Variants in FOXO3 observed in about 807,000 individuals in gnomAD.
The protein encoded by FOXO3 is forkhead box protein O3.
A neutral mutation model predicts 41.9 loss-of-function variants in FOXO3; 4 were observed. The ratio of observed to expected loss-of-function variants is 0.10; its 90% CI spans 0.05 to 0.22. The LOEUF (loss-of-function observed/expected upper bound fraction) is 0.22, where lower values mean the gene tolerates loss of function less well. Ranked by LOEUF, FOXO3 falls within the 10% of genes least tolerant of loss-of-function variation. The pLI is 1.00. For missense variants in FOXO3, 534 were observed against 906.8 expected (o/e 0.59, Z 5.28); for synonymous variants, 318 against 389.3 (o/e 0.82, Z 2.16).
intron 1 of FOXO3, among the ~76,000 whole-genome samples, chr6:108,572,687 AAAG>A (rs1776137107): frequency 6.6e-6 from 1 of 152,056 alleles, no homozygotes; most frequent in Non-Finnish European, 1.5e-5. Flanking sequence ...TTTGCAATAA[AAAG>A]AGTCTACACA....
intron 1 of FOXO3, among the ~76,000 whole-genome samples, chr6:108,578,240 A>G (rs930692744): frequency 2.0e-5 from 3 of 152,054 alleles, no homozygotes; most frequent in African/African-American, 7.2e-5. Context: ...TAAATCAGAA[A>G]CTCTTTAACA....
At chr6:108,659,397 AT>A (rs1778781521) in intron 1 of FOXO3, among the ~76,000 whole-genome samples, 1 of 152,190 alleles carries the variant, frequency 6.6e-6, no homozygotes, top group Non-Finnish European at 1.5e-5. Context: ...TAAGAGGCCT[AT>A]ATGAAAGGTT....
At chr6:108,575,982 GC>G (rs1776251104) in intron 1 of FOXO3, among the ~76,000 whole-genome samples, 1 of 152,160 alleles carries the variant, frequency 6.6e-6, no homozygotes, top group Non-Finnish European at 1.5e-5. Flanking sequence ...AATGTCATAG[GC>G]CTGATTATTT....
rs1062034 is a variant in FOXO3 at position 108,684,385 on chromosome 6, A to G, written c.*4593A>G. 70,867 of 152,040 alleles carry G rather than the reference A, an allele frequency of 0.47. 20,745 individuals carry two copies. Among genetic ancestry groups the G allele is most frequent in the African/African-American group, 0.84 (34,780 of 41,482 alleles). The allele number at this position is 152,040 out of a possible 1,614,324, so 9.4% of individuals were successfully genotyped here. On this transcript the variant is annotated 3_prime_UTR_variant, in exon 3 of 3. Transcript: ENST00000406360. ...TCTGTATACAGTATCTGTAAAAACT[A>G]TCTTATCTGTTTCAATTCCTTGCTC...
intron 1 of FOXO3, among the ~76,000 whole-genome samples, chr6:108,590,307 A>G (rs896884729): frequency 2.0e-5 from 3 of 152,036 alleles, no homozygotes; most frequent in African/African-American, 7.2e-5. Context: ...TTTTTGAGAA[A>G]TAATACAGAT....
chr6:108,615,346 G>A (rs925678890), intron 1 of FOXO3, among the ~76,000 whole-genome samples: 10 of 151,852 alleles, frequency 6.6e-5, no homozygotes, highest in African/African-American at 1.2e-4. Flanking sequence ...TTTTATCTTC[G>A]TTTTTGAAAG....
At chr6:108,588,529 C>T in intron 1 of FOXO3, among the ~76,000 whole-genome samples, 1 of 152,170 alleles carries the variant, frequency 6.6e-6, no homozygotes, top group East Asian at 1.9e-4. Context: ...GATATGCGTG[C>T]AGACACACAG....
At chr6:108,586,763 G>A (rs1459377294) in intron 1 of FOXO3, among the ~76,000 whole-genome samples, 1 of 151,912 alleles carries the variant, frequency 6.6e-6, no homozygotes, top group African/African-American at 2.4e-5. Context: ...CAGGGGGCTG[G>A]TATGTAGTTG....
chr6:108,635,098 C>G (rs559136233), intron 1 of FOXO3, among the ~76,000 whole-genome samples: 3 of 151,998 alleles, frequency 2.0e-5, no homozygotes, highest in South Asian at 2.1e-4. Context: ...GCCAGAAGTT[C>G]AAGACCAGTC....
intron 2 of FOXO3, among the ~76,000 whole-genome samples, chr6:108,672,182 GCAGT>G (rs1377382724): frequency 6.6e-6 from 1 of 152,236 alleles, no homozygotes; most frequent in Non-Finnish European, 1.5e-5. Flanking sequence ...AAGAGCCATT[GCAGT>G]CCCTCTTAGG....
chr6:108,661,982 A>G (rs1468954863), intron 1 of FOXO3, among the ~76,000 whole-genome samples: 1 of 152,218 alleles, frequency 6.6e-6, no homozygotes, highest in Non-Finnish European at 1.5e-5. Context: ...ATTTGTCACA[A>G]CTGATGAATC....
At chr6:108,625,129 A>T (rs2128374040) in intron 1 of FOXO3, among the ~76,000 whole-genome samples, 1 of 152,330 alleles carries the variant, frequency 6.6e-6, no homozygotes, top group East Asian at 1.9e-4. Context: ...TCATTGAATG[A>T]GTACTGTGTG....
intron 1 of FOXO3, among the ~76,000 whole-genome samples, chr6:108,604,000 C>G (rs1430077536): frequency 1.3e-5 from 2 of 152,008 alleles, no homozygotes; most frequent in Non-Finnish European, 2.9e-5. Flanking sequence ...GGAATGGTGA[C>G]TTAAGCTACT....
chr6:108,607,310 G>A (rs1477936258), intron 1 of FOXO3, among the ~76,000 whole-genome samples: 1 of 152,064 alleles, frequency 6.6e-6, no homozygotes. Context: ...TTAGCTGGGT[G>A]TGGTGGCGTG....
At chr6:108,584,582 C>T (rs949774615) in intron 1 of FOXO3, among the ~76,000 whole-genome samples, 12 of 152,060 alleles carry the variant, frequency 7.9e-5, no homozygotes, top group South Asian at 2.1e-4. Context: ...TTGGTTCATC[C>T]GTAACATGCA....
intron 1 of FOXO3, among the ~76,000 whole-genome samples, chr6:108,635,178 G>A (rs1432023170): frequency 3.3e-5 from 5 of 152,030 alleles, no homozygotes; most frequent in Admixed American, 2.0e-4. Context: ...GCAGGCGCCT[G>A]TAATCCCAGT....
chr6:108,572,270 A>C (rs1042490350), intron 1 of FOXO3, among the ~76,000 whole-genome samples: 1 of 152,182 alleles, frequency 6.6e-6, no homozygotes, highest in African/African-American at 2.4e-5. Flanking sequence ...GTGGAAGAAG[A>C]AGCCTCCTTT....
Position 108,618,315 on chromosome 6 carries a change from C to T in FOXO3, c.622-45140C>T, listed in dbSNP as rs1342554702. On this transcript the variant is annotated intron_variant, in intron 1 of 2. Coordinates refer to ENST00000406360, the MANE Select transcript of FOXO3 (RefSeq NM_001455.4). ...AGCACCGGTTTCTCCTCAGCTGCCG[C>T]TTCACAAAAGAGATATCAGGTCCAC... 4 of 655,714 alleles carry T rather than the reference C, an allele frequency of 6.1e-6. No individual in the cohort carries two copies. The East Asian group carries it at 1.2e-4, about 19-fold the overall frequency. 40.6% of individuals were successfully genotyped at this position (655,714 alleles called of 1,614,324 possible).
rs1245687963 is a variant in FOXO3, at chr6:108,663,747, C to T, written c.914C>T (p.Ala305Val). ...PTSRSSDELDAWTDFRSRTNS... is the reference protein window; with the variant it reads ...PTSRSSDELDVWTDFRSRTNS... The stretch of plus-strand genomic sequence containing the variant: ...TCACGCAGCAGTGATGAGCTGGATG[C>T]GTGGACGGACTTCCGTTCACGCACC... Residue 305 changes from alanine (A) to valine (V), a missense_variant, in exon 2 of 3, where the codon GCG (alanine) becomes GTG (valine). Around this residue, in one of 8 missense-constraint regions of FOXO3, gnomAD observed 185 missense variants for 224.9 expected, o/e 0.82. Transcript: ENST00000406360. 11 of 1,613,764 alleles carry T rather than the reference C, an allele frequency of 6.8e-6. No individual in the cohort carries two copies. Among genetic ancestry groups the T allele is most frequent in the South Asian group, 6.6e-5 (6 of 91,040 alleles).
Sources: allele counts gnomAD v4.1 joint callset (sites outside exome capture counted in the v4.1 genomes callset), GRCh38; gene constraint gnomAD v4.1.1; regional missense constraint gnomAD v4.1.1; transcripts MANE v1.5; gene names NCBI Gene and HGNC (gene_info 2026-07-23, HGNC 2026-07-21).